Variants in ABLIM3 observed in about 807,000 individuals in gnomAD.
The protein encoded by ABLIM3 is actin binding LIM protein family member 3.
A neutral mutation model predicts 109.5 loss-of-function variants in ABLIM3; 61 were observed. That is an observed-to-expected ratio of 0.56 (90% CI 0.45 to 0.69). ABLIM3 has a LOEUF of 0.69. Among genes scored for constraint, ABLIM3 ranks in the 30% least tolerant of loss-of-function variants. ABLIM3 has a pLI of 0.00. For synonymous variants in ABLIM3, 300 were observed against 324.8 expected (o/e 0.92, Z 0.82); for missense variants, 796 against 889.5 (o/e 0.89, Z 1.34).
chr5:149,218,656 C>G (rs1249952333), intron 8 of ABLIM3: 1 of 152,262 alleles, frequency 6.6e-6, no homozygotes, highest in Non-Finnish European at 1.5e-5. Context: ...TTAAAATGAA[C>G]TCATGGCCCT....
chr5:149,205,339 C>T (rs1232481100), intron 5 of ABLIM3, among the ~76,000 whole-genome samples: 6 of 152,100 alleles, frequency 3.9e-5, no homozygotes. Flanking sequence ...GAGGAGGGTG[C>T]CCACTTGTCG....
chr5:149,149,938 G>C (rs916900471), intron 2 of ABLIM3, among the ~76,000 whole-genome samples: 10 of 152,160 alleles, frequency 6.6e-5, no homozygotes, highest in African/African-American at 2.4e-4. Context: ...TGGGGTGAAG[G>C]CTGCCTGACA....
intron 9 of ABLIM3, among the ~76,000 whole-genome samples, chr5:149,231,092 G>A (rs1438366906): frequency 6.6e-6 from 1 of 152,150 alleles, no homozygotes; most frequent in African/African-American, 2.4e-5. Flanking sequence ...AGTTTACAAA[G>A]CATCTTCACA....
chr5:149,205,647 T>C (rs1758894998), intron 5 of ABLIM3, among the ~76,000 whole-genome samples: 1 of 152,186 alleles, frequency 6.6e-6, no homozygotes, highest in South Asian at 2.1e-4. Flanking sequence ...CTTATAGACT[T>C]ACCCCAGGAG....
chr5:149,218,216 C>T (rs778663457), intron 8 of ABLIM3: 1 of 152,290 alleles, frequency 6.6e-6, no homozygotes, highest in Non-Finnish European at 1.5e-5. Flanking sequence ...AAGTCCATGA[C>T]CAAGGGTCCA....
At chr5:149,184,235 T>C (rs1300160042) in intron 3 of ABLIM3, among the ~76,000 whole-genome samples, 1 of 152,140 alleles carries the variant, frequency 6.6e-6, no homozygotes, top group Non-Finnish European at 1.5e-5. Flanking sequence ...GAGAGCCCTC[T>C]GGCCCGGGGC....
intron 13 of ABLIM3, 55 bp from the exon 14 acceptor site, chr5:149,240,621 G>T (rs937022230): frequency 7.1e-6 from 10 of 1,414,872 alleles, no homozygotes; most frequent in Non-Finnish European, 5.0e-6. Flanking sequence ...CCGCGTTAAT[G>T]CCTGTTTTCT....
chr5:149,234,718 C>T (rs1762178613), intron 10 of ABLIM3, among the ~76,000 whole-genome samples: 1 of 152,196 alleles, frequency 6.6e-6, no homozygotes, highest in Non-Finnish European at 1.5e-5. Flanking sequence ...GTCTCCCTGG[C>T]ACTGTGAATG....
At chr5:149,146,453 A>G (rs763040651) in intron 2 of ABLIM3, among the ~76,000 whole-genome samples, 3 of 152,234 alleles carry the variant, frequency 2.0e-5, no homozygotes, top group Non-Finnish European at 4.4e-5. Context: ...TTGAGGTCTT[A>G]CAGTTAAATC....
intron 8 of ABLIM3, among the ~76,000 whole-genome samples, chr5:149,226,440 C>T (rs1384191812): frequency 6.6e-6 from 1 of 151,930 alleles, no homozygotes; most frequent in Non-Finnish European, 1.5e-5. Flanking sequence ...GCCTAGATCA[C>T]ACCACTCCCC....
At chr5:149,197,737 T>C (rs866097465) in intron 3 of ABLIM3, among the ~76,000 whole-genome samples, 1 of 152,250 alleles carries the variant, frequency 6.6e-6, no homozygotes, top group South Asian at 2.1e-4. Flanking sequence ...AATGATTCTT[T>C]TATTACATTC....
Position 149,259,584 on chromosome 5 carries a change from A to T in ABLIM3, c.*1180A>T, listed in dbSNP as rs1754734471. The T allele has an allele frequency of 6.5e-7, 1 of 1,535,886 alleles. No individual in the cohort carries two copies. The stretch of plus-strand genomic sequence containing the variant: ...AGAGTGGCTGCTTATGAGATTCCAA[A>T]ATGAAGTGTTGGCCAACACCGCTCA... On this transcript the variant is annotated 3_prime_UTR_variant, in exon 24 of 24. Coordinates refer to ENST00000309868, the MANE Select transcript of ABLIM3 (RefSeq NM_014945.5).
intron 6 of ABLIM3, among the ~76,000 whole-genome samples, chr5:149,210,441 G>T (rs1759428242): frequency 6.6e-6 from 1 of 152,194 alleles, no homozygotes; most frequent in South Asian, 2.1e-4. Context: ...TAGTCATAGG[G>T]GGTGGTATAA....
chr5:149,246,702 G>T (rs1186787200), intron 17 of ABLIM3, among the ~76,000 whole-genome samples, 156 bp downstream of exon 17: 1 of 152,242 alleles, frequency 6.6e-6, no homozygotes, highest in African/African-American at 2.4e-5. Flanking sequence ...GGTGGAATTA[G>T]CTTAAAGTAT....
chr5:149,211,536 A>G (rs1431522245), intron 7 of ABLIM3, among the ~76,000 whole-genome samples: 1 of 151,838 alleles, frequency 6.6e-6, no homozygotes, highest in Non-Finnish European at 1.5e-5. Context: ...TATTGACTCT[A>G]CTCCTGCTCA....
chr5:149,207,283 C>A, intron 6 of ABLIM3, 149 bp downstream of exon 6: 1 of 1,295,756 alleles, frequency 7.7e-7, no homozygotes, highest in South Asian at 1.5e-5. Flanking sequence ...TCCCAGCAGC[C>A]TCTTTCCCCC....
chr5:149,205,808 G>T (rs970894808), intron 5 of ABLIM3, among the ~76,000 whole-genome samples: 1 of 152,144 alleles, frequency 6.6e-6, no homozygotes, highest in Non-Finnish European at 1.5e-5. Flanking sequence ...GCCAAGAGGC[G>T]GAGTACTGTG....
chr5:149,182,270 C>T (rs962525329), intron 2 of ABLIM3, among the ~76,000 whole-genome samples: 7 of 152,174 alleles, frequency 4.6e-5, no homozygotes, highest in Non-Finnish European at 1.0e-4. Flanking sequence ...ACCAATTCCC[C>T]TTCAATCAGG....
At chr5:149,255,941 A>G (rs953321471) in intron 23 of ABLIM3, among the ~76,000 whole-genome samples, 1 of 152,228 alleles carries the variant, frequency 6.6e-6, no homozygotes, top group Non-Finnish European at 1.5e-5. Context: ...TGGAGACACT[A>G]GGATGCTCCC....
Sources: allele counts gnomAD v4.1 joint callset (sites outside exome capture counted in the v4.1 genomes callset), GRCh38; gene constraint gnomAD v4.1.1; transcripts MANE v1.5; gene names NCBI Gene and HGNC (gene_info 2026-07-23, HGNC 2026-07-21).